Variants in RAD54L observed in about 807,000 individuals in gnomAD.
RAD54L encodes RAD54 like.
Under a neutral mutation model 91.6 loss-of-function variants are expected in RAD54L, and 74 were observed. That is an observed-to-expected ratio of 0.81 (90% CI 0.67 to 0.98). The LOEUF is 0.98. Ranked by LOEUF, RAD54L falls within the 50% of genes least tolerant of loss-of-function variation. RAD54L has a pLI of 0.00. For missense variants in RAD54L, 887 were observed against 945.7 expected (o/e 0.94, Z 0.81); for synonymous variants, 304 against 349.7 (o/e 0.87, Z 1.46).
At chr1:46,273,045 C>A (rs1211539465) in intron 12 of RAD54L, among the ~76,000 whole-genome samples, 1 of 152,166 alleles carries the variant, frequency 6.6e-6, no homozygotes, top group Admixed American at 6.5e-5. Context: ...GATGTGTCGA[C>A]TGTTTGTGAG....
chr1:46,260,553 C>G lies in RAD54L; in HGVS notation c.419C>G (p.Pro140Arg). 6.2e-7 allele frequency: 1 copy of G among 1,614,098 alleles called. No homozygotes were observed. Among genetic ancestry groups the G allele is most frequent in the Non-Finnish European group, 8.5e-7 (1 of 1,179,970 alleles). ...DQLKLDKEKL[P>R]VHVVVDPILS... ...CTGTGTTTTCTCAGGGAGAAACTCC[C>G]TGTCCATGTGGTTGTTGACCCTATT... Residue 140 changes from proline to arginine, a missense_variant, in exon 6 of 18, where the codon CCT becomes CGT. Coordinates refer to ENST00000371975, the MANE Select transcript of RAD54L (RefSeq NM_003579.4).
rs1206312817 is a variant in RAD54L, at chr1:46,274,119, G to A, written c.1611-19G>A. On this transcript the variant is annotated intron_variant, in intron 14 of 17. Coordinates refer to ENST00000371975, the MANE Select transcript of RAD54L (RefSeq NM_003579.4). ...AATCATTGAAGCTTTATTTTCTTGGGTCTCGAATCCCCCTTCAGGTACTTA... is the reference window on the plus strand; with the variant it reads ...AATCATTGAAGCTTTATTTTCTTGGATCTCGAATCCCCCTTCAGGTACTTA... 6.3e-7 allele frequency: 1 copy of A among 1,598,920 alleles called. No individual in the cohort carries two copies. Among genetic ancestry groups the A allele is most frequent in the Non-Finnish European group, 8.6e-7 (1 of 1,166,696 alleles).
In RAD54L at chr1:46,278,190, G is replaced by A. The variant is rs981989748; in HGVS notation, c.2152G>A (p.Glu718Lys). The A allele has an allele frequency of 6.2e-7, 1 of 1,613,782 alleles. No individual in the cohort carries two copies. The change falls in exon 18 of 18, where the codon GAG becomes AAG. Residue 718 changes from glutamate (E) to lysine (K), a missense_variant. Glu to Lys is a moderately conservative substitution (Grantham distance 56). Coordinates refer to ENST00000371975, the MANE Select transcript of RAD54L (RefSeq NM_003579.4). ...CACTGATAAGTGGGGGCTCCGGGAT[G>A]AGGTACTCCAGGCTGCCTGGGATGC... is the stretch of plus-strand genomic sequence containing the variant. ...HCTDKWGLRD[E>K]VLQAAWDAAS...
intron 3 of RAD54L, among the ~76,000 whole-genome samples, chr1:46,252,363 A>G (rs755406596): frequency 2.8e-4 from 42 of 152,218 alleles, no homozygotes; most frequent in Middle Eastern, 3.4e-3. Flanking sequence ...GCAGTATAGA[A>G]TATTTGTTGG....
At position 46,270,700 on chromosome 1, in the gene RAD54L, T is replaced by C. The variant is rs1281199472; in HGVS notation, c.1084T>C (p.Leu362=). The C allele has an allele frequency of 6.2e-7, 1 of 1,611,432 alleles. No homozygotes were observed. Residue 362 remains leucine (L), a synonymous_variant, in exon 10 of 18, where the codon TTG becomes CTG. Coordinates refer to ENST00000371975, the MANE Select transcript of RAD54L (RefSeq NM_003579.4). ...EFKKHFELPI[L]KGRDAAASEA... is the part of the protein sequence containing the mutation. ...CAAGAAGCATTTTGAATTGCCAATT[T>C]TGAAGGGTCGAGACGCTGCTGCTAG...
chr1:46,258,041 T>A (rs893662476), intron 3 of RAD54L, among the ~76,000 whole-genome samples: 4 of 152,178 alleles, frequency 2.6e-5, no homozygotes, highest in Non-Finnish European at 5.9e-5. Context: ...TTTATATTTT[T>A]AAATATATAT....
intron 9 of RAD54L, among the ~76,000 whole-genome samples, chr1:46,269,165 A>G (rs1400266838): frequency 6.6e-6 from 1 of 152,116 alleles, no homozygotes; most frequent in Non-Finnish European, 1.5e-5. Context: ...TTCATAAATC[A>G]AATGTTCATA....
At chr1:46,254,140 C>T (rs1443205391) in intron 3 of RAD54L, among the ~76,000 whole-genome samples, 1 of 151,798 alleles carries the variant, frequency 6.6e-6, no homozygotes, top group Non-Finnish European at 1.5e-5. Context: ...ATACCTGGCA[C>T]ATTTTTGTGT....
intron 16 of RAD54L, among the ~76,000 whole-genome samples, chr1:46,276,391 C>A (rs1660603021): frequency 6.6e-6 from 1 of 152,084 alleles, no homozygotes; most frequent in African/African-American, 2.4e-5. Context: ...TCTCGAACAT[C>A]TGGACTCAAG....
chr1:46,277,436 T>C (rs1473463578), intron 16 of RAD54L: 1 of 322,864 alleles, frequency 3.1e-6, no homozygotes, highest in South Asian at 3.0e-5. Context: ...CTTTTTTGTA[T>C]GCTAATGTCA....
At position 46,273,363 on chromosome 1, in the gene RAD54L, C is replaced by G; in HGVS notation, c.1384C>G (p.Leu462Val). ...SLKKLCNHPA[L>V]IYDKCVEEED... Reference sequence around the variant, plus strand: ...GTTTTGTTTTCTCCCAGATCCAGCTCTAATCTATGATAAGTGTGTGGAAGA... The same window carrying G: ...GTTTTGTTTTCTCCCAGATCCAGCTGTAATCTATGATAAGTGTGTGGAAGA... The change falls in exon 13 of 18, where the codon CTA becomes GTA. Residue 462 changes from leucine to valine, a missense_variant. Leu to Val is a conservative substitution (Grantham distance 32). Coordinates refer to ENST00000371975, the MANE Select transcript of RAD54L (RefSeq NM_003579.4). 6.2e-7 allele frequency: 1 copy of G among 1,611,926 alleles called. No individual in the cohort carries two copies. Among genetic ancestry groups the G allele is most frequent in the East Asian group, 2.2e-5 (1 of 44,870 alleles).
intron 3 of RAD54L, among the ~76,000 whole-genome samples, chr1:46,258,280 A>C (rs943092020): frequency 6.6e-6 from 1 of 151,182 alleles, no homozygotes; most frequent in Middle Eastern, 3.4e-3. Context: ...TGAGTATTAG[A>C]TATATTAGAC....
intron 3 of RAD54L, among the ~76,000 whole-genome samples, chr1:46,250,373 C>T (rs1444881363): frequency 6.6e-6 from 1 of 152,206 alleles, no homozygotes; most frequent in Non-Finnish European, 1.5e-5. Context: ...GGTAAAGGAA[C>T]TAGGATCCTC....
rs1260173869 is a variant in RAD54L at position 46,265,258 on chromosome 1, G to A, written c.892-2201G>A. On this transcript the variant is annotated intron_variant, in intron 8 of 17. Transcript: ENST00000371975. This position sits in a 1 kb window ranked among gnomAD's most constrained non-coding sequence, Gnocchi z 4.8. Reference sequence around the variant, plus strand: ...AGGACTTTGAAAGGCTGAGATGGGCGGATCACTTGAGGTCAGGATTTCAAG... The same window carrying A: ...AGGACTTTGAAAGGCTGAGATGGGCAGATCACTTGAGGTCAGGATTTCAAG... 6.6e-6 allele frequency among the ~76,000 whole-genome samples: 1 copy of A among 152,136 alleles called. No homozygotes were observed. The highest frequency in any genetic ancestry group is 1.5e-5 in the Non-Finnish European group (1 of 67,978).
rs930739429 is a variant in RAD54L at position 46,270,752 on chromosome 1, A to G, written c.1136A>G (p.Glu379Gly). 8 of 1,614,102 alleles carry G rather than the reference A, an allele frequency of 5.0e-6. No individual in the cohort carries two copies. In the Admixed American group the frequency reaches 8.3e-5, roughly 17 times the overall value. The stretch of plus-strand genomic sequence containing the variant: ...GAGGCAGACAGGCAGCTAGGAGAGG[A>G]GCGGCTGCGGGAGCTCACCAGCATT... ...ASEADRQLGEERLRELTSIVN... is the reference protein window; with the variant it reads ...ASEADRQLGEGRLRELTSIVN... Residue 379 changes from glutamate (E) to glycine (G), a missense_variant, in exon 10 of 18, where the codon GAG (glutamate) becomes GGG (glycine). By Grantham distance (98) the Glu-to-Gly change is moderately conservative. Coordinates refer to ENST00000371975, the MANE Select transcript of RAD54L (RefSeq NM_003579.4).
chr1:46,253,385 G>A (rs942630728), intron 3 of RAD54L, among the ~76,000 whole-genome samples: 2 of 152,192 alleles, frequency 1.3e-5, no homozygotes, highest in Admixed American at 6.5e-5. Context: ...AGGCCTAGGC[G>A]GGCGGATCAC....
chr1:46,272,893 G>A (rs1007197923), intron 12 of RAD54L, 91 bp downstream of exon 12: 99 of 1,546,712 alleles, frequency 6.4e-5, no homozygotes, highest in South Asian at 2.2e-4. Flanking sequence ...ACTAAAACTC[G>A]TCCAGAGTCA....
intron 3 of RAD54L, among the ~76,000 whole-genome samples, chr1:46,254,574 GA>G (rs1659889169): frequency 6.6e-6 from 1 of 151,430 alleles, no homozygotes; most frequent in Non-Finnish European, 1.5e-5. Flanking sequence ...GAGCCCTGGG[GA>G]GCACTGACTT....
intron 2 of RAD54L, among the ~76,000 whole-genome samples, 176 bp downstream of exon 2, chr1:46,248,774 C>T (rs374073880): frequency 6.6e-6 from 1 of 152,312 alleles, no homozygotes; most frequent in East Asian, 1.9e-4. Flanking sequence ...AAATCTTTAT[C>T]CTCAGGGTAG....
Sources: gnomAD v4.1 joint callset for allele counts (sites outside exome capture counted in the v4.1 genomes callset) on GRCh38, gnomAD v4.1.1 for gene constraint, Gnocchi (gnomAD v3.1) non-coding constraint, MANE v1.5 for transcripts, NCBI Gene and HGNC (gene_info 2026-07-23, HGNC 2026-07-21) for gene names.